Variants in LMO7 observed in about 807,000 individuals in gnomAD.
LMO7 encodes LIM domain 7, also known as LIM domain only protein 7.
Under a neutral mutation model 206.5 loss-of-function variants are expected in LMO7, and 120 were observed. That is an observed-to-expected ratio of 0.58 (90% CI 0.50 to 0.68). The LOEUF (loss-of-function observed/expected upper bound fraction) is 0.68. LMO7 is among the 30% of genes least tolerant of loss of function. The pLI is 0.00. For missense variants in LMO7, 1,959 were observed against 1,957.9 expected (o/e 1.00, Z -0.01); for synonymous variants, 706 against 681.5 (o/e 1.04, Z -0.56).
At chr13:75,842,100 C>T (rs141212163) in intron 24 of LMO7, 117 bp downstream of exon 24, 351 of 728,394 alleles carry the variant, frequency 4.8e-4, no homozygotes, top group Non-Finnish European at 7.0e-4. Flanking sequence ...TGAATACAAG[C>T]CACCAAAGAG....
Position 75,853,286 on chromosome 13 carries a change from G to A in LMO7, c.4559G>A (p.Gly1520Asp), listed in dbSNP as rs2060642630. ...PSSSVPPPSA[G>D]SVKTSTTGVA... The stretch of plus-strand genomic sequence containing the variant: ...TCCAGCGTGCCCCCACCTTCAGCTG[G>A]CTCCGTGAAGACCTCCACCACAGGT... The change falls in exon 28 of 31, where the codon GGC becomes GAC. Residue 1520 changes from glycine (G) to aspartate (D), a missense_variant. Coordinates refer to ENST00000377534, the MANE Select transcript of LMO7 (RefSeq NM_001306080.2). 6.2e-7 allele frequency: 1 copy of A among 1,613,990 alleles called. No individual in the cohort carries two copies. The highest frequency in any genetic ancestry group is 1.3e-5 in the African/African-American group (1 of 75,002).
chr13:75,715,956 C>A (rs994343859), intron 2 of LMO7, among the ~76,000 whole-genome samples: 1 of 152,154 alleles, frequency 6.6e-6, no homozygotes, highest in African/African-American at 2.4e-5. Flanking sequence ...CACTAGAGAT[C>A]CCAAGTTTTA....
At chr13:75,853,429 G>T (rs756890717) in intron 28 of LMO7, 41 bp downstream of exon 28, 2 of 1,494,232 alleles carry the variant, frequency 1.3e-6, no homozygotes, top group Non-Finnish European at 1.8e-6. Context: ...TTAGTCTTGG[G>T]TATTTTTTCA....
At chr13:75,678,697 T>C (rs2040231607) in intron 1 of LMO7, among the ~76,000 whole-genome samples, 1 of 152,226 alleles carries the variant, frequency 6.6e-6, no homozygotes, top group Non-Finnish European at 1.5e-5. Context: ...TCTTTAAAAA[T>C]AATGTTCTAG....
At chr13:75,835,734 G>A (rs9600559) in intron 18 of LMO7, among the ~76,000 whole-genome samples, 8,937 of 152,198 alleles carry the variant, frequency 0.059, 313 homozygotes, top group Middle Eastern at 0.14. Flanking sequence ...TGGGTGTAAT[G>A]TAAAACTTCA....
intron 3 of LMO7, among the ~76,000 whole-genome samples, chr13:75,729,524 T>G (rs2044887487): frequency 6.6e-6 from 1 of 151,826 alleles, no homozygotes; most frequent in African/African-American, 2.4e-5. Flanking sequence ...AAGGAGATTT[T>G]GGGCTGAGAT....
chr13:75,668,258 A>G (rs1165454888), intron 1 of LMO7, among the ~76,000 whole-genome samples: 1 of 152,172 alleles, frequency 6.6e-6, no homozygotes, highest in Non-Finnish European at 1.5e-5. Flanking sequence ...ATTTACCTGG[A>G]CTCAAACTGC....
intron 1 of LMO7, among the ~76,000 whole-genome samples, chr13:75,694,967 C>T (rs988990059): frequency 1.3e-5 from 2 of 151,688 alleles, no homozygotes; most frequent in Non-Finnish European, 2.9e-5. Context: ...GTGAAGCAAT[C>T]ATCCTTGAGG....
intron 23 of LMO7, 147 bp from the exon 24 acceptor site, chr13:75,841,481 T>G: frequency 1.6e-6 from 1 of 632,596 alleles, no homozygotes. Context: ...GTAGCTTCTT[T>G]AGTGGTAAAA....
intron 3 of LMO7, among the ~76,000 whole-genome samples, chr13:75,759,717 G>C (rs79629370): frequency 6.6e-6 from 1 of 151,932 alleles, no homozygotes; most frequent in Non-Finnish European, 1.5e-5. Flanking sequence ...AATCAGTGGC[G>C]CTTTTCTCTT....
intron 21 of LMO7, 79 bp from the exon 22 acceptor site, chr13:75,840,312 T>A (rs1937695173): frequency 5.4e-6 from 8 of 1,491,470 alleles, no homozygotes; most frequent in Non-Finnish European, 6.5e-6. Context: ...ATAATTTATG[T>A]GTGCAAAAGT....
At chr13:75,766,172 C>T (rs908335168) in intron 4 of LMO7, among the ~76,000 whole-genome samples, 18 of 151,286 alleles carry the variant, frequency 1.2e-4, no homozygotes, top group South Asian at 8.3e-4. Flanking sequence ...TCTGTAGGGC[C>T]GCCTATGTTG....
At chr13:75,836,482 AT>A (rs774026224) in intron 19 of LMO7, 25 bp downstream of exon 19, 47 of 1,201,784 alleles carry the variant, frequency 3.9e-5, no homozygotes, top group Non-Finnish European at 5.2e-5. Flanking sequence ...TATAACTTAC[AT>A]TTATAATACA....
rs1048521392 is a variant in LMO7 at position 75,746,093 on chromosome 13, C to T, written c.211-14839C>T. On this transcript the variant is annotated intron_variant, in intron 3 of 30. Transcript: ENST00000377534. ...TGTTGAGACGTAGTCAAATTTTCCA[C>T]GTTTTGATGGAAGAGTGTATAGGAG... 2.6e-5 allele frequency among the ~76,000 whole-genome samples: 4 copies of T among 152,170 alleles called. No homozygotes were observed. In the East Asian group the frequency reaches 7.7e-4, roughly 29 times the overall value.
At chr13:75,774,977 T>C (rs2050188689) in intron 4 of LMO7, among the ~76,000 whole-genome samples, 1 of 152,084 alleles carries the variant, frequency 6.6e-6, no homozygotes, top group South Asian at 2.1e-4. Flanking sequence ...TGATAAGGAC[T>C]ATGAAGAAAA....
intron 7 of LMO7, among the ~76,000 whole-genome samples, chr13:75,801,942 TATACTC>T (rs1350676002): frequency 6.9e-6 from 1 of 145,136 alleles, no homozygotes; most frequent in African/African-American, 2.5e-5. Context: ...TGCTTTATCT[TATACTC>T]ATCTCTCTCT....
intron 1 of LMO7, among the ~76,000 whole-genome samples, chr13:75,685,724 A>G (rs1263996956): frequency 6.6e-6 from 1 of 152,060 alleles, no homozygotes; most frequent in Non-Finnish European, 1.5e-5. Flanking sequence ...TTTGAAGAGT[A>G]AGAGAAGGTG....
intron 15 of LMO7, among the ~76,000 whole-genome samples, chr13:75,826,545 A>G (rs1244891042): frequency 6.6e-6 from 1 of 152,168 alleles, no homozygotes; most frequent in African/African-American, 2.4e-5. Context: ...CGTGGCGCTC[A>G]GGGAAGCAGT....
chr13:75,853,339 A>G lies in LMO7; in HGVS notation c.4612A>G (p.Arg1538Gly), dbSNP rs1453297297. The change falls in exon 28 of 31, where the codon AGA (arginine) becomes GGA (glycine). Residue 1538 changes from arginine to glycine, a missense_variant. Physicochemically the swap from Arg to Gly is moderately radical, Grantham distance 125. Coordinates refer to ENST00000377534, the MANE Select transcript of LMO7 (RefSeq NM_001306080.2). Reference protein sequence around the residue: ...GVATTQSPTPRSHSPSASQSG... With the variant: ...GVATTQSPTPGSHSPSASQSG... Reference sequence around the variant, plus strand: ...GGCCACCACACAGTCCCCCACCCCGAGAAGCCATTCCCCTTCAGCTTCACA... The same window carrying G: ...GGCCACCACACAGTCCCCCACCCCGGGAAGCCATTCCCCTTCAGCTTCACA... The G allele has an allele frequency of 1.2e-6, 2 of 1,613,080 alleles. No homozygotes were observed. The highest frequency in any genetic ancestry group is 1.7e-6 in the Non-Finnish European group (2 of 1,179,510).
Sources: gnomAD v4.1 joint callset for allele counts (sites outside exome capture counted in the v4.1 genomes callset) on GRCh38, gnomAD v4.1.1 for gene constraint, MANE v1.5 for transcripts, NCBI Gene and HGNC (gene_info 2026-07-23, HGNC 2026-07-21) for gene names.